Variants in FRMD4B observed in about 807,000 individuals in gnomAD.
The protein encoded by FRMD4B is FERM domain-containing protein 4B.
Under a neutral mutation model 141.5 loss-of-function variants are expected in FRMD4B, and 74 were observed. That is an observed-to-expected ratio of 0.52 (90% CI 0.43 to 0.63). The LOEUF is 0.63. Ranked by LOEUF, FRMD4B falls within the 30% of genes least tolerant of loss-of-function variation. The probability of loss-of-function intolerance (pLI) is 0.00; values close to 1 mark genes in which losing one functional copy is unlikely to be tolerated. For missense variants in FRMD4B, 1,366 were observed against 1,253.4 expected, an observed-to-expected ratio of 1.09 and a Z score of -1.36; for synonymous variants, 506 against 467.9, an observed-to-expected ratio of 1.08 and a Z score of -1.05.
intron 2 of FRMD4B, 140 bp from the exon 3 acceptor site, chr3:69,311,497 G>T: frequency 1.7e-6 from 1 of 587,816 alleles, no homozygotes. Flanking sequence ...TGTGGATTAG[G>T]TTGATGTACT....
At chr3:69,260,564 G>A (rs904787474) in intron 5 of FRMD4B, among the ~76,000 whole-genome samples, 4 of 152,226 alleles carry the variant, frequency 2.6e-5, no homozygotes, top group African/African-American at 9.6e-5. Context: ...CCCTTGGTGG[G>A]CTTCCACATG....
At chr3:69,222,072 T>C in intron 8 of FRMD4B, 149 bp from the exon 9 acceptor site, 1 of 621,600 alleles carries the variant, frequency 1.6e-6, no homozygotes, top group Non-Finnish European at 2.9e-6. Flanking sequence ...TTTGTTTCTG[T>C]AGGAGATGGA....
chr3:69,526,688 T>C (rs1413055651), intron 1 of FRMD4B, among the ~76,000 whole-genome samples: 1 of 152,156 alleles, frequency 6.6e-6, no homozygotes, highest in Non-Finnish European at 1.5e-5. Context: ...CAGCTTTAAA[T>C]AAAACAATTC....
chr3:69,339,170 A>T (rs906761968), intron 1 of FRMD4B, among the ~76,000 whole-genome samples: 12 of 151,038 alleles, frequency 7.9e-5, no homozygotes, highest in African/African-American at 2.7e-4. Flanking sequence ...CATTTCCTTT[A>T]TTTTTTTTTC....
intron 1 of FRMD4B, chr3:69,336,595 TG>T (rs1702559624): frequency 1.3e-5 from 2 of 152,248 alleles, no homozygotes; most frequent in Admixed American, 1.3e-4. Flanking sequence ...ATCTGTAAAA[TG>T]GGCATGCAAA....
At chr3:69,206,195 CA>C (rs1218858544) in intron 11 of FRMD4B, among the ~76,000 whole-genome samples, 2 of 151,916 alleles carry the variant, frequency 1.3e-5, no homozygotes, top group Non-Finnish European at 2.9e-5. Context: ...GCTAAAAATA[CA>C]AAAATTAGCC....
chr3:69,292,681 A>G (rs6773163), intron 4 of FRMD4B, among the ~76,000 whole-genome samples: 122,245 of 152,068 alleles, frequency 0.8, 49,306 homozygotes, highest in East Asian at 0.97. Context: ...TGTATGAAAA[A>G]TACATATGGG....
chr3:69,286,014 A>G (rs983515320), intron 5 of FRMD4B, among the ~76,000 whole-genome samples: 1 of 152,226 alleles, frequency 6.6e-6, no homozygotes, highest in African/African-American at 2.4e-5. Flanking sequence ...TTTCTAAAGT[A>G]CGGAGAGAGA....
intron 19 of FRMD4B, among the ~76,000 whole-genome samples, chr3:69,186,313 A>G (rs2092767203): frequency 1.5e-5 from 2 of 136,656 alleles, no homozygotes; most frequent in Non-Finnish European, 3.0e-5. Context: ...TGACATGATC[A>G]TAGTTCACTT....
chr3:69,385,253 C>A (rs1002429771), intron 1 of FRMD4B, among the ~76,000 whole-genome samples: 1 of 152,060 alleles, frequency 6.6e-6, no homozygotes, highest in African/African-American at 2.4e-5. Flanking sequence ...GCCACCCCTC[C>A]CTTCCCCAGC....
intron 2 of FRMD4B, among the ~76,000 whole-genome samples, chr3:69,399,653 C>T (rs1407226009): frequency 1.3e-5 from 2 of 152,138 alleles, no homozygotes; most frequent in Admixed American, 6.6e-5. Flanking sequence ...ATTTGTGGCT[C>T]TTTAAGTCCT....
At chr3:69,251,004 A>T (rs917645357) in intron 5 of FRMD4B, among the ~76,000 whole-genome samples, 2 of 152,200 alleles carry the variant, frequency 1.3e-5, no homozygotes, top group African/African-American at 4.8e-5. Flanking sequence ...TATCAATAAT[A>T]TTCATATGCA....
chr3:69,486,307 G>A (rs1232263106), intron 1 of FRMD4B, among the ~76,000 whole-genome samples: 1 of 152,082 alleles, frequency 6.6e-6, no homozygotes, highest in South Asian at 2.1e-4. Flanking sequence ...TGAGATTTTG[G>A]TGTATGCATC....
chr3:69,517,744 A>G (rs947074721), intron 1 of FRMD4B, among the ~76,000 whole-genome samples: 9 of 152,120 alleles, frequency 5.9e-5, no homozygotes, highest in African/African-American at 2.2e-4. Context: ...CCAGCTCACA[A>G]CATCCTTGAG....
chr3:69,262,873 T>C (rs1052459629), intron 5 of FRMD4B, among the ~76,000 whole-genome samples: 3 of 152,176 alleles, frequency 2.0e-5, no homozygotes, highest in African/African-American at 7.2e-5. Context: ...AAACATAATT[T>C]GAGTAAAAAC....
At chr3:69,237,891 C>T (rs559023892) in intron 7 of FRMD4B, among the ~76,000 whole-genome samples, 22 of 152,230 alleles carry the variant, frequency 1.4e-4, no homozygotes, top group African/African-American at 2.4e-4. Context: ...CCACCATGCT[C>T]GGCTCATTTT....
At position 69,302,457 on chromosome 3, in the gene FRMD4B, A is replaced by G. The variant is rs1228581207; in HGVS notation, c.324-22T>C. On this transcript the variant is annotated intron_variant, in intron 3 of 22. Transcript: ENST00000398540. ...ACCTCTGTGAGAGCAAAGCAAAGAA[A>G]AAGGATTCAACAGAAAGTCAGAAAA... is the stretch of plus-strand genomic sequence containing the variant. The G allele has an allele frequency of 5.6e-6, 8 of 1,418,230 alleles. No individual in the cohort carries two copies. In the South Asian group the frequency reaches 6.0e-5, roughly 11 times the overall value. The allele number at this position is 1,418,230 out of a possible 1,614,324, so 87.9% of individuals were successfully genotyped here. A position where few individuals can be genotyped will look rare whatever the true frequency, so the allele number is the denominator to read the frequency against.
intron 11 of FRMD4B, among the ~76,000 whole-genome samples, chr3:69,210,422 T>A (rs1301017102): frequency 6.6e-6 from 1 of 152,150 alleles, no homozygotes. Context: ...GGCTGCTTTT[T>A]TTTTTTTCTT....
At chr3:69,438,334 G>A (rs940417667) in intron 1 of FRMD4B, among the ~76,000 whole-genome samples, 2 of 151,828 alleles carry the variant, frequency 1.3e-5, no homozygotes, top group South Asian at 2.1e-4. Context: ...CTGAACTCTC[G>A]GTTTCAAATG....
Sources: gnomAD v4.1 joint callset for allele counts (sites outside exome capture counted in the v4.1 genomes callset) on GRCh38, gnomAD v4.1.1 for gene constraint, MANE v1.5 for transcripts, NCBI Gene and HGNC (gene_info 2026-07-23, HGNC 2026-07-21) for gene names.